Variants in CNOT3 observed in about 807,000 individuals in gnomAD.
CNOT3 encodes CCR4-NOT transcription complex subunit 3, also known as CCR4-associated factor 3.
A neutral mutation model predicts 89.4 loss-of-function variants in CNOT3; 2 were observed. That is an observed-to-expected ratio of 0.02 (90% CI 0.01 to 0.07). The LOEUF (loss-of-function observed/expected upper bound fraction) is 0.07. Among genes scored for constraint, CNOT3 ranks in the 10% least tolerant of loss-of-function variants. The pLI, the probability that CNOT3 is intolerant of heterozygous loss-of-function variation, is 1.00. For synonymous variants in CNOT3, 486 were observed against 402.0 expected, an observed-to-expected ratio of 1.21 and a Z score of -2.50; for missense variants, 664 against 1,010.2, an observed-to-expected ratio of 0.66 and a Z score of 4.65.
chr19:54,144,408 T>A lies in CNOT3; in HGVS notation c.483+76T>A. On this transcript the variant is annotated intron_variant, in intron 7 of 17. Coordinates refer to ENST00000221232, the MANE Select transcript of CNOT3 (RefSeq NM_014516.4). The surrounding 1 kb of genome is among the most constrained non-coding windows in gnomAD (Gnocchi z 4.8). ...GGCTGGCCAGCAGGAGGCCAGTCATTTATGCTCCTGGGAGTTGGGGCCTGG... is the reference window on the plus strand; with the variant it reads ...GGCTGGCCAGCAGGAGGCCAGTCATATATGCTCCTGGGAGTTGGGGCCTGG... 1 of 1,090,260 alleles carries A rather than the reference T, an allele frequency of 9.2e-7. No individual in the cohort carries two copies. The highest frequency in any genetic ancestry group is 1.3e-5 in the South Asian group (1 of 77,306). 67.5% of individuals were successfully genotyped at this position (1,090,260 alleles called of 1,614,324 possible). A position where few individuals can be genotyped will look rare whatever the true frequency, so the allele number is the denominator to read the frequency against.
Position 54,155,281 on chromosome 19 carries a change from C to T in CNOT3, c.2164-28C>T, listed in dbSNP as rs765637525. 3 of 1,611,290 alleles carry T rather than the reference C, an allele frequency of 1.9e-6. No individual in the cohort carries two copies. The African/African-American group carries it at 4.0e-5, about 22-fold the overall frequency. On this transcript the variant is annotated intron_variant, in intron 17 of 17. Transcript: ENST00000221232. The stretch of plus-strand genomic sequence containing the variant: ...AGATCCCAGACCACCTCCTCGTCCA[C>T]TCACTGACCGCCTTCTCCCCCGGCC...
At chr19:54,140,477 C>T (rs930746666) in intron 1 of CNOT3, among the ~76,000 whole-genome samples, 1 of 152,166 alleles carries the variant, frequency 6.6e-6, no homozygotes, top group Admixed American at 6.5e-5. Flanking sequence ...TCTTTCTTCT[C>T]TGGCGGCGTC....
intron 13 of CNOT3, among the ~76,000 whole-genome samples, chr19:54,150,061 C>G (rs142548733): frequency 7.4e-4 from 113 of 152,244 alleles, no homozygotes; most frequent in African/African-American, 2.6e-3. Flanking sequence ...TCATCCCCCC[C>G]GCAGGCCCTC....
At chr19:54,139,918 C>T (rs2074380094) in intron 1 of CNOT3, among the ~76,000 whole-genome samples, 1 of 152,102 alleles carries the variant, frequency 6.6e-6, no homozygotes, top group Non-Finnish European at 1.5e-5. Context: ...CTTCTGGAGT[C>T]TCAGAGCCTC....
rs754190780 is a variant in CNOT3, at chr19:54,148,440, G to A, written c.1187G>A (p.Ser396Asn). Residue 396 changes from serine (S) to asparagine (N), a missense_variant, in exon 11 of 18, where the codon AGC (serine) becomes AAC (asparagine). By Grantham distance (46) the Ser-to-Asn change is conservative. This residue lies in a region of CNOT3 where 545 missense variants were observed against 566.2 expected (regional missense o/e 0.96). Coordinates refer to ENST00000221232, the MANE Select transcript of CNOT3 (RefSeq NM_014516.4). This position sits in a 1 kb window ranked among gnomAD's most constrained non-coding sequence, Gnocchi z 6.3. ...CCCCGGCCCCCCAGCGTCCAGCCTA[G>A]CGGAGGCGGAGGCGGCGGCAGCGGA... ...TQPRPPSVQP[S>N]GGGGGGSGGG... 36 of 1,566,508 alleles carry A rather than the reference G, an allele frequency of 2.3e-5. No homozygotes were observed. The Admixed American group carries it at 5.8e-4, about 25-fold the overall frequency.
chr19:54,154,113 C>G, intron 17 of CNOT3: 1 of 668,736 alleles, frequency 1.5e-6, no homozygotes. Context: ...CCCAGTGCCT[C>G]CCCTTTGCAG....
intron 17 of CNOT3, 104 bp downstream of exon 17, chr19:54,153,944 C>A: frequency 6.9e-7 from 1 of 1,440,594 alleles, no homozygotes; most frequent in Non-Finnish European, 9.8e-7. Flanking sequence ...CACCTTTCAG[C>A]TGGCGCAGTC....
chr19:54,148,794 A>G lies in CNOT3; in HGVS notation c.1406+51A>G. The G allele has an allele frequency of 6.3e-7, 1 of 1,583,060 alleles. No homozygotes were observed. The highest frequency in any genetic ancestry group is 8.6e-7 in the Non-Finnish European group (1 of 1,163,876). ...TTGGGATGGCAGCCTTTTGAAACAG[A>G]GAGGCGCAGGCGCCTCACCCCCGCA... On this transcript the variant is annotated intron_variant, in intron 12 of 17. Transcript: ENST00000221232. This position sits in a 1 kb window ranked among gnomAD's most constrained non-coding sequence, Gnocchi z 6.3.
chr19:54,138,815 T>G (rs1185357671), intron 1 of CNOT3, among the ~76,000 whole-genome samples: 1 of 152,168 alleles, frequency 6.6e-6, no homozygotes. Flanking sequence ...CCTGCCTTTT[T>G]GGGGGAGTTT....
intron 12 of CNOT3, 110 bp from the exon 13 acceptor site, chr19:54,149,450 T>C: frequency 3.3e-6 from 2 of 613,418 alleles, no homozygotes; most frequent in Non-Finnish European, 5.4e-6. Flanking sequence ...CCTGCCCCTC[T>C]CAGATCCCAT....
In CNOT3 at chr19:54,152,252, G is replaced by A. The variant is rs2075160211; in HGVS notation, c.1632G>A (p.Lys544=). 6.2e-7 allele frequency: 1 copy of A among 1,614,088 alleles called. No individual in the cohort carries two copies. The highest frequency in any genetic ancestry group is 1.3e-5 in the African/African-American group (1 of 74,930). Residue 544 remains lysine (K), a synonymous_variant, in exon 14 of 18, where the codon AAG becomes AAA. Coordinates refer to ENST00000221232, the MANE Select transcript of CNOT3 (RefSeq NM_014516.4). ...CCCCTGAGCCTCTGAGCTCCTTGAA[G>A]TCCATGGCGGAACGGGCAGCCATCA... The part of the protein sequence containing the change: ...IKAPEPLSSL[K]SMAERAAISS...
Position 54,143,527 on chromosome 19 carries a change from T to TG in CNOT3, c.168+16dup, listed in dbSNP as rs2074541478. ...ATTAAGAAGCTACAAGTGAGGGGGCTGGGGGCCTGGACGCCTTTGTCCTGA... is the reference window on the plus strand; with the variant it reads ...ATTAAGAAGCTACAAGTGAGGGGGCTGGGGGGCCTGGACGCCTTTGTCCTGA... On this transcript the variant is annotated intron_variant, in intron 4 of 17. Transcript: ENST00000221232. The TG allele has an allele frequency of 6.2e-7, 1 of 1,613,384 alleles. No individual in the cohort carries two copies. The highest frequency in any genetic ancestry group is 1.3e-5 in the African/African-American group (1 of 74,790).
In CNOT3 at chr19:54,152,040, G is replaced by A. The variant is rs947948564; in HGVS notation, c.1606-186G>A. 3.3e-5 allele frequency among the ~76,000 whole-genome samples: 5 copies of A among 152,304 alleles called. No individual in the cohort carries two copies. The East Asian group carries it at 5.8e-4, about 18-fold the overall frequency. On this transcript the variant is annotated intron_variant, in intron 13 of 17. Transcript: ENST00000221232. ...GAGACGTTCCTCTGCTGATGAATGCGTCGTGGTCTCCGATTGTTTCCCTAC... is the reference window on the plus strand; with the variant it reads ...GAGACGTTCCTCTGCTGATGAATGCATCGTGGTCTCCGATTGTTTCCCTAC...
chr19:54,138,806 C>T (rs587717824), intron 1 of CNOT3, among the ~76,000 whole-genome samples: 8 of 152,312 alleles, frequency 5.3e-5, no homozygotes, highest in Admixed American at 6.5e-5. Flanking sequence ...CACTGGGCGC[C>T]TGCCTTTTTG....
intron 13 of CNOT3, among the ~76,000 whole-genome samples, chr19:54,150,819 C>T (rs1379075997): frequency 6.6e-6 from 1 of 150,636 alleles, no homozygotes; most frequent in Non-Finnish European, 1.5e-5. Context: ...GAGACAGAGT[C>T]TTGCTCTGTC....
intron 16 of CNOT3, 80 bp downstream of exon 16, chr19:54,153,079 T>G (rs563548746): frequency 6.7e-7 from 1 of 1,486,884 alleles, no homozygotes; most frequent in Non-Finnish European, 9.3e-7. Context: ...GCTGGAGGGG[T>G]GAGGTGGGTG....
chr19:54,138,772 G>A (rs1309583599), intron 1 of CNOT3, among the ~76,000 whole-genome samples: 1 of 152,238 alleles, frequency 6.6e-6, no homozygotes, highest in Non-Finnish European at 1.5e-5. Flanking sequence ...CGCCCTGGGT[G>A]GCTCCAGCCT....
At position 54,143,191 on chromosome 19, in the gene CNOT3, A is replaced by G. The variant is rs1178142328; in HGVS notation, c.93+5A>G. On this transcript the variant is annotated splice_donor_5th_base_variant and intron_variant, in intron 3 of 17. Transcript: ENST00000221232. ...TTTGAAGATATTTGGCAGAAGGTAC[A>G]GGGGCTGAGACCCTAATAATCTGGG... The G allele has an allele frequency of 3.1e-6, 5 of 1,612,324 alleles. No homozygotes were observed. The highest frequency in any genetic ancestry group is 1.1e-5 in the South Asian group (1 of 91,046).
intron 1 of CNOT3, among the ~76,000 whole-genome samples, 178 bp downstream of exon 1, chr19:54,138,171 C>T (rs994742050): frequency 3.5e-4 from 53 of 151,948 alleles, no homozygotes; most frequent in African/African-American, 1.2e-3. Flanking sequence ...GGGGCGGCTC[C>T]CTCCCTCTCG....
Sources: gnomAD v4.1 joint callset for allele counts (sites outside exome capture counted in the v4.1 genomes callset) on GRCh38, gnomAD v4.1.1 for gene constraint, gnomAD v4.1.1 regional missense constraint, Gnocchi (gnomAD v3.1) non-coding constraint, MANE v1.5 for transcripts, NCBI Gene and HGNC (gene_info 2026-07-23, HGNC 2026-07-21) for gene names.